The following FRMPD4 variants were observed in gnomAD, a reference collection of about 807,000 sequenced individuals.
FRMPD4 encodes FERM and PDZ domain-containing protein 4.
FRMPD4 carries 22 observed loss-of-function variants against 94.1 expected under a neutral mutation model. The observed-to-expected ratio is 0.23, with a 90% CI of 0.17 to 0.33. The LOEUF (loss-of-function observed/expected upper bound fraction) is 0.33. Ranked by LOEUF, FRMPD4 falls within the 10% of genes least tolerant of loss-of-function variation. The pLI, the probability that FRMPD4 is intolerant of heterozygous loss-of-function variation, is 1.00. For synonymous variants in FRMPD4, 631 were observed against 548.6 expected (o/e 1.15, Z -2.10); for missense variants, 1,111 against 1,339.9 (o/e 0.83, Z 2.67).
chrX:12,679,913 G>T (rs948954508), intron 5 of FRMPD4, among the ~76,000 whole-genome samples: 4 of 111,445 alleles, frequency 3.6e-5, no homozygotes, highest in African/African-American at 1.3e-4. Flanking sequence ...TCCCAAATCA[G>T]CTACCTGTTT....
chrX:12,154,149 A>G (rs2055900544), intron 1 of FRMPD4, among the ~76,000 whole-genome samples: 1 of 112,835 alleles, frequency 8.9e-6, no homozygotes, highest in South Asian at 3.6e-4. Context: ...ACAGATTTAG[A>G]TATATACATA....
intron 2 of FRMPD4, among the ~76,000 whole-genome samples, chrX:12,572,002 A>G (rs754608240): frequency 6.2e-5 from 7 of 112,514 alleles, no homozygotes; most frequent in Non-Finnish European, 1.3e-4. Flanking sequence ...TTCACTTAGC[A>G]TATTTCTGAA....
intron 1 of FRMPD4, among the ~76,000 whole-genome samples, chrX:12,274,464 T>C (rs1464216442): frequency 1.8e-5 from 2 of 112,554 alleles, no homozygotes; most frequent in Non-Finnish European, 3.7e-5. Context: ...ATAGTGCTTA[T>C]GGAACAATAA....
chrX:11,972,275 G>C (rs1236753866), intron 3 of FRMPD4, among the ~76,000 whole-genome samples: 2 of 111,545 alleles, frequency 1.8e-5, no homozygotes, highest in Non-Finnish European at 3.8e-5. Flanking sequence ...CACTGAACAG[G>C]AGTAAGAATT....
At chrX:12,182,106 C>T (rs1014518875) in intron 1 of FRMPD4, among the ~76,000 whole-genome samples, 1 of 111,176 alleles carries the variant, frequency 9.0e-6, no homozygotes, top group African/African-American at 3.3e-5. Context: ...ACCATAAGGA[C>T]CAAGAGGTCA....
chrX:11,965,041 G>C (rs767659626), intron 3 of FRMPD4, among the ~76,000 whole-genome samples: 2 of 112,568 alleles, frequency 1.8e-5, no homozygotes, highest in African/African-American at 6.4e-5. Flanking sequence ...GGATTGTTGT[G>C]ATTACATTAG....
chrX:11,956,032 G>A (rs1440602994), intron 3 of FRMPD4, among the ~76,000 whole-genome samples: 1 of 112,052 alleles, frequency 8.9e-6, no homozygotes, highest in African/African-American at 3.2e-5. Context: ...AAGTAGGGCT[G>A]GTCTTTCCAG....
At chrX:12,410,290 A>G (rs1211029312) in intron 1 of FRMPD4, among the ~76,000 whole-genome samples, 1 of 111,371 alleles carries the variant, frequency 9.0e-6, no homozygotes, top group East Asian at 2.8e-4. Context: ...GCAAGGGTGT[A>G]TTATTGTTTT....
chrX:12,552,662 G>A (rs778062344), intron 2 of FRMPD4, among the ~76,000 whole-genome samples: 69 of 111,665 alleles, frequency 6.2e-4, no homozygotes, highest in African/African-American at 2.2e-3. Context: ...TTCTAAAAAT[G>A]TGCTTCTTAA....
Position 12,510,404 on chromosome X carries a change from A to G in FRMPD4, c.158+11608A>G, listed in dbSNP as rs762119414. On this transcript the variant is annotated intron_variant, in intron 2 of 16. Coordinates refer to ENST00000675598, the MANE Select transcript of FRMPD4 (RefSeq NM_001368397.1). ...TTAACAATAGGGGAAACTGAGTGCCACATATACAGGAATGCTCTGTACTCT... is the reference window on the plus strand; with the variant it reads ...TTAACAATAGGGGAAACTGAGTGCCGCATATACAGGAATGCTCTGTACTCT... Among the ~76,000 whole-genome samples the G allele has an allele frequency of 1.1e-4, 12 of 112,412 alleles. No homozygotes were observed. In the Admixed American group the frequency reaches 1.1e-3, roughly 11 times the overall value.
At chrX:11,996,210 T>C (rs2054495466) in intron 3 of FRMPD4, among the ~76,000 whole-genome samples, 1 of 112,103 alleles carries the variant, frequency 8.9e-6, no homozygotes, top group South Asian at 3.7e-4. Context: ...GCCTCTTTGA[T>C]AAATTATGGA....
At chrX:11,830,264 T>C (rs1301283806) in intron 1 of FRMPD4, among the ~76,000 whole-genome samples, 1 of 112,130 alleles carries the variant, frequency 8.9e-6, no homozygotes, top group African/African-American at 3.2e-5. Flanking sequence ...AACTTGAATA[T>C]ACAACATTTA....
At chrX:12,112,423 G>A (rs1185090256) in intron 3 of FRMPD4, among the ~76,000 whole-genome samples, 1 of 110,154 alleles carries the variant, frequency 9.1e-6, no homozygotes, top group East Asian at 2.9e-4. Flanking sequence ...GTCATGAGGT[G>A]GGAGGTAGGG....
intron 1 of FRMPD4, among the ~76,000 whole-genome samples, chrX:12,235,330 C>G (rs1034080792): frequency 8.9e-6 from 1 of 111,923 alleles, no homozygotes; most frequent in African/African-American, 3.3e-5. Flanking sequence ...GAAATAGTCT[C>G]TCCTCTTACA....
At chrX:12,668,730 G>T (rs2059808219) in intron 4 of FRMPD4, among the ~76,000 whole-genome samples, 3 of 107,107 alleles carry the variant, frequency 2.8e-5, no homozygotes, top group Admixed American at 1.0e-4. Context: ...TCGGCCTCCA[G>T]AGTAGCTGGG....
At chrX:12,080,675 T>C (rs376453525) in intron 3 of FRMPD4, among the ~76,000 whole-genome samples, 23 of 111,833 alleles carry the variant, frequency 2.1e-4, no homozygotes, top group East Asian at 1.4e-3. Context: ...AGGAGAAAAA[T>C]AAGAGGAAGC....
intron 1 of FRMPD4, among the ~76,000 whole-genome samples, chrX:12,191,643 A>G (rs906198309): frequency 9.3e-6 from 1 of 107,225 alleles, no homozygotes; most frequent in African/African-American, 3.3e-5. Context: ...CCAATGTGAG[A>G]AGGCTATAAT....
At chrX:12,635,404 G>A (rs1482039540) in intron 4 of FRMPD4, among the ~76,000 whole-genome samples, 1 of 110,984 alleles carries the variant, frequency 9.0e-6, no homozygotes, top group African/African-American at 3.3e-5. Flanking sequence ...TTTCAGGAGA[G>A]CTTTCTCCAA....
chrX:12,694,634 A>G (rs1166428955), intron 9 of FRMPD4, among the ~76,000 whole-genome samples, 180 bp downstream of exon 9: 1 of 112,276 alleles, frequency 8.9e-6, no homozygotes, highest in Non-Finnish European at 1.9e-5. Flanking sequence ...AAATAACATC[A>G]TACTTCCAAA....
Sources: gnomAD v4.1 joint callset for allele counts (sites outside exome capture counted in the v4.1 genomes callset) on GRCh38, gnomAD v4.1.1 for gene constraint, MANE v1.5 for transcripts, NCBI Gene and HGNC (gene_info 2026-07-23, HGNC 2026-07-21) for gene names.